The following SYNPR variants were observed in gnomAD, a reference collection of about 807,000 sequenced individuals.
The protein encoded by SYNPR is synaptoporin.
In SYNPR, 23 loss-of-function variants were observed where a neutral mutation model predicts 32.9. The ratio of observed to expected loss-of-function variants is 0.70; its 90% CI spans 0.50 to 0.99. The LOEUF is 0.99. Ranked by LOEUF, SYNPR falls within the 50% of genes least tolerant of loss-of-function variation. The pLI, the probability that SYNPR is intolerant of heterozygous loss-of-function variation, is 0.00. For missense variants in SYNPR, 318 were observed against 349.3 expected (o/e 0.91, Z 0.71); for synonymous variants, 146 against 135.9 (o/e 1.07, Z -0.52).
At chr3:63,482,772 T>A (rs573578119) in intron 3 of SYNPR, among the ~76,000 whole-genome samples, 1 of 152,194 alleles carries the variant, frequency 6.6e-6, no homozygotes, top group African/African-American at 2.4e-5. Flanking sequence ...AGGGTTGCAA[T>A]TTCAATTTTA....
intron 4 of SYNPR, among the ~76,000 whole-genome samples, chr3:63,576,574 G>A (rs1211322514): frequency 3.9e-5 from 6 of 151,968 alleles, no homozygotes; most frequent in East Asian, 1.9e-4. Context: ...GGCGGATCAC[G>A]AGGTCAGGAG....
intron 2 of SYNPR, among the ~76,000 whole-genome samples, chr3:63,451,068 G>A (rs1324299110): frequency 2.0e-5 from 3 of 152,106 alleles, no homozygotes; most frequent in African/African-American, 7.2e-5. Flanking sequence ...TGCCATCTTG[G>A]GGCCTTCGTA....
intron 3 of SYNPR, among the ~76,000 whole-genome samples, chr3:63,507,928 G>A (rs1051650752): frequency 3.3e-5 from 5 of 151,714 alleles, no homozygotes; most frequent in African/African-American, 1.2e-4. Context: ...TTATCTAGTA[G>A]CTAACTTACA....
intron 3 of SYNPR, among the ~76,000 whole-genome samples, chr3:63,546,581 C>A: frequency 6.6e-6 from 1 of 151,974 alleles, no homozygotes; most frequent in East Asian, 1.9e-4. Flanking sequence ...TTGCAGTAAT[C>A]TTGATTGCAT....
chr3:63,480,408 A>G (rs1015202414), intron 2 of SYNPR, among the ~76,000 whole-genome samples: 3 of 152,220 alleles, frequency 2.0e-5, no homozygotes, highest in Non-Finnish European at 4.4e-5. Context: ...GACAAATCAT[A>G]TTATGGTAGA....
At chr3:63,276,984 G>A (rs2106913566), upstream of SYNPR, among the ~76,000 whole-genome samples, 1 of 151,740 alleles carries the variant, frequency 6.6e-6, no homozygotes, top group Non-Finnish European at 1.5e-5. Context: ...TGGACTATCT[G>A]TGTTGCTGGG....
the SYNPR span, among the ~76,000 whole-genome samples, chr3:63,220,296 T>C: frequency 6.6e-6 from 1 of 152,184 alleles, no homozygotes; most frequent in East Asian, 1.9e-4. Context: ...GATAGTGATA[T>C]CAGGACTTTC....
intron 3 of SYNPR, among the ~76,000 whole-genome samples, chr3:63,553,710 T>C (rs1321351395): frequency 6.6e-6 from 1 of 152,156 alleles, no homozygotes; most frequent in African/African-American, 2.4e-5. Context: ...CACTTCTATG[T>C]CTTTTTTGTT....
intron 4 of SYNPR, among the ~76,000 whole-genome samples, chr3:63,585,438 T>C (rs1703166259): frequency 1.1e-5 from 1 of 93,644 alleles, no homozygotes; most frequent in Non-Finnish European, 2.1e-5. Flanking sequence ...TGTTTCCTTC[T>C]GTATATCCAT....
intron 3 of SYNPR, among the ~76,000 whole-genome samples, chr3:63,494,589 AG>A (rs1364604616): frequency 9.3e-5 from 14 of 151,130 alleles, no homozygotes; most frequent in African/African-American, 3.2e-4. Flanking sequence ...TCATCAAAAA[AG>A]GCCACTATTG....
intron 1 of SYNPR, among the ~76,000 whole-genome samples, chr3:63,242,116 A>G (rs183942074): frequency 6.3e-4 from 94 of 148,626 alleles, no homozygotes; most frequent in Non-Finnish European, 1.2e-3. Context: ...AATGCATAAA[A>G]TAGATAAGAA....
intron 3 of SYNPR, among the ~76,000 whole-genome samples, chr3:63,518,101 AC>A (rs1327297175): frequency 3.3e-5 from 5 of 152,132 alleles, no homozygotes; most frequent in Non-Finnish European, 7.4e-5. Context: ...ATATGACCAT[AC>A]ACAATATCAA....
rs369754570 is a variant in SYNPR, at chr3:63,338,980, C to T, written c.84+60238C>T. Among the ~76,000 whole-genome samples, 7 of 152,284 alleles carry T rather than the reference C, an allele frequency of 4.6e-5. 1 individual carries two copies. Among genetic ancestry groups the T allele is most frequent in the African/African-American group, 1.7e-4 (7 of 41,558 alleles). On this transcript the variant is annotated intron_variant, in intron 2 of 5. Coordinates refer to ENST00000478300, the MANE Select transcript of SYNPR (RefSeq NM_001130003.2). The stretch of plus-strand genomic sequence containing the variant: ...TTCCCTAAAAGAGACACTACTGATG[C>T]TTTTAGGTAAGGCAGACATTTCCTC...
intron 4 of SYNPR, among the ~76,000 whole-genome samples, chr3:63,595,839 ATATAGTTTTATATATATATAGT>A (rs1318718000): frequency 5.2e-5 from 4 of 76,238 alleles, no homozygotes; most frequent in East Asian, 8.7e-4. Flanking sequence ...ATAGTTATAT[ATATAGTTTTATATATATATAGT>A]TATATATATA....
At position 63,616,119 on chromosome 3, in the gene SYNPR, C is replaced by A. The variant is rs543983639; in HGVS notation, c.*638C>A. 2 of 152,176 alleles carry A rather than the reference C, an allele frequency of 1.3e-5. No homozygotes were observed. The highest frequency in any genetic ancestry group is 4.1e-4 in the South Asian group (2 of 4,832). The allele number at this position is 152,176 out of a possible 1,614,324, so 9.4% of individuals were successfully genotyped here. A position where few individuals can be genotyped will look rare whatever the true frequency, so the allele number is the denominator to read the frequency against. ...GATATTTATAGGAATATATTCACTACTTTGTATACTTTGCAAATTTGTCTC... is the reference window on the plus strand; with the variant it reads ...GATATTTATAGGAATATATTCACTAATTTGTATACTTTGCAAATTTGTCTC... On this transcript the variant is annotated 3_prime_UTR_variant, in exon 6 of 6. Coordinates refer to ENST00000478300, the MANE Select transcript of SYNPR (RefSeq NM_001130003.2).
intron 2 of SYNPR, among the ~76,000 whole-genome samples, chr3:63,280,205 A>G (rs2086615335): frequency 6.6e-6 from 1 of 152,186 alleles, no homozygotes; most frequent in Non-Finnish European, 1.5e-5. Context: ...GTACACACCA[A>G]TACTGTGGCA....
intron 2 of SYNPR, among the ~76,000 whole-genome samples, chr3:63,279,459 A>C (rs183764498): frequency 6.6e-6 from 1 of 152,296 alleles, no homozygotes; most frequent in Admixed American, 6.5e-5. Flanking sequence ...CACTTCCGTG[A>C]AACCACCCTG....
intron 2 of SYNPR, among the ~76,000 whole-genome samples, chr3:63,398,322 G>T (rs546917396): frequency 4.4e-4 from 67 of 152,304 alleles, no homozygotes; most frequent in African/African-American, 1.6e-3. Flanking sequence ...TGGAATCTTA[G>T]GCTCCAGTAA....
intron 2 of SYNPR, among the ~76,000 whole-genome samples, chr3:63,265,241 C>CTTTTTTTTTT (rs71126590): frequency 0.02 from 2,027 of 101,962 alleles, 290 homozygotes; most frequent in Middle Eastern, 0.043. Context: ...TAATGACATT[C>CTTTTTTTTTT]TTTTTTTTTT....
Sources: allele counts gnomAD v4.1 joint callset (sites outside exome capture counted in the v4.1 genomes callset), GRCh38; gene constraint gnomAD v4.1.1; transcripts MANE v1.5; gene names NCBI Gene and HGNC (gene_info 2026-07-23, HGNC 2026-07-21).